Variants in ARL17A observed in about 807,000 individuals in gnomAD.
The protein encoded by ARL17A is ARF like GTPase 17A.
intron 3 of ARL17A, among the ~76,000 whole-genome samples, chr17:46,521,486 C>T (rs1433465213): frequency 1.8e-5 from 1 of 56,692 alleles, no homozygotes; most frequent in Admixed American, 1.8e-4. Flanking sequence ...CAGTTTTAAA[C>T]ATGGTGGGCA....
Position 46,557,013 on chromosome 17 carries a change from C to CT in ARL17A, c.*342dup, listed in dbSNP as rs2057317392. The CT allele has an allele frequency of 3.1e-6, 1 of 322,916 alleles. No individual in the cohort carries two copies. The highest frequency in any genetic ancestry group is 2.8e-5 in the South Asian group (1 of 36,226). The allele number at this position is 322,916 out of a possible 1,614,324, so 20.0% of individuals were successfully genotyped here. On this transcript the variant is annotated 3_prime_UTR_variant, in exon 4 of 4. Transcript: ENST00000336125. ...ACAAACCCCCATGACACAAGTTTAGCTATATAACGAACGTGCATATGTACC... is the reference window on the plus strand; with the variant it reads ...ACAAACCCCCATGACACAAGTTTAGCTTATATAACGAACGTGCATATGTACC...
intron 3 of ARL17A, chr17:46,547,151 C>G (rs1237536512): frequency 1.9e-5 from 1 of 53,242 alleles, no homozygotes; most frequent in Admixed American, 1.7e-4. Flanking sequence ...GCTTATTTTT[C>G]AAAACTTTTT....
chr17:46,526,390 AC>A (rs2052760220), downstream of ARL17A, among the ~76,000 whole-genome samples: 1 of 101,242 alleles, frequency 9.9e-6, no homozygotes, highest in Non-Finnish European at 2.1e-5. Flanking sequence ...TAAAAAACAA[AC>A]AAAAAAAGAG....
downstream of ARL17A, chr17:46,550,692 A>G (rs1426691385): frequency 2.7e-5 from 18 of 676,730 alleles, no homozygotes; most frequent in Non-Finnish European, 3.3e-5. Context: ...TGTATATTTC[A>G]GGATTTTTAA....
At chr17:46,503,253 G>C in the ARL17A span, among the ~76,000 whole-genome samples, 3 of 145,434 alleles carry the variant, frequency 2.1e-5, no homozygotes, top group African/African-American at 8.0e-5. Context: ...TTCCCAACAA[G>C]CGTTTCTCTT....
chr17:46,534,094 G>T (rs2054165857), intron 4 of ARL17A, among the ~76,000 whole-genome samples: 1 of 140,422 alleles, frequency 7.1e-6, no homozygotes, highest in African/African-American at 2.9e-5. Context: ...CAACGTTGCA[G>T]CCTCCACCTC....
chr17:46,517,226 T>A, exon 4 of ARL17A: 1 of 794,916 alleles, frequency 1.3e-6, no homozygotes, highest in Non-Finnish European at 1.9e-6. Context: ...ACTGGGAAGC[T>A]GATAGCTCTG....
chr17:46,568,179 GT>G (rs1262273832), intron 3 of ARL17A, among the ~76,000 whole-genome samples: 3 of 132,098 alleles, frequency 2.3e-5, no homozygotes, highest in Admixed American at 7.5e-5. Flanking sequence ...GAACTGGACA[GT>G]GGTGATGGTT....
chr17:46,500,834 G>A, the ARL17A span, among the ~76,000 whole-genome samples: 1 of 151,058 alleles, frequency 6.6e-6, no homozygotes, highest in Non-Finnish European at 1.5e-5. Context: ...TTATAGGGAA[G>A]TGTTTCTCAA....
chr17:46,533,453 A>C, intron 4 of ARL17A, among the ~76,000 whole-genome samples: 1 of 138,162 alleles, frequency 7.2e-6, no homozygotes, highest in Non-Finnish European at 1.5e-5. Context: ...CCTTATGTTC[A>C]TCAACTAGAT....
Position 46,555,390 on chromosome 17 carries a change from T to A in ARL17A, c.*1966A>T, listed in dbSNP as rs374337863. 29 of 1,500,718 alleles carry A rather than the reference T, an allele frequency of 1.9e-5. 4 individuals are homozygous for A. The highest frequency in any genetic ancestry group is 2.6e-5 in the Non-Finnish European group (29 of 1,110,366). 93.0% of individuals were successfully genotyped at this position (1,500,718 alleles called of 1,614,324 possible). A position where few individuals can be genotyped will look rare whatever the true frequency, so the allele number is the denominator to read the frequency against. On this transcript the variant is annotated 3_prime_UTR_variant, in exon 4 of 4. Transcript: ENST00000336125. ...TGCATGGAAGCTGCACAAGAAGTCA[T>A]CTAATGAGGACAAGATCCTCAACAG...
At chr17:46,501,184 A>G in the ARL17A span, among the ~76,000 whole-genome samples, 7 of 151,004 alleles carry the variant, frequency 4.6e-5, no homozygotes, top group African/African-American at 1.5e-4. Flanking sequence ...GCCCAGCTAT[A>G]TTGACTTGTT....
At chr17:46,544,568 G>A (rs2055988244) in intron 3 of ARL17A, among the ~76,000 whole-genome samples, 1 of 28,068 alleles carries the variant, frequency 3.6e-5, no homozygotes, top group Non-Finnish European at 5.6e-5. Context: ...TAATGACAAG[G>A]CCAAGGAACA....
chr17:46,562,237 C>CAA (rs201826218), intron 3 of ARL17A, among the ~76,000 whole-genome samples: 4 of 25,990 alleles, frequency 1.5e-4, no homozygotes, highest in East Asian at 4.4e-4. Flanking sequence ...GAGTCTTTAA[C>CAA]AAAAAAAAAA....
At chr17:46,503,341 A>C in the ARL17A span, among the ~76,000 whole-genome samples, 1 of 149,714 alleles carries the variant, frequency 6.7e-6, no homozygotes, top group Non-Finnish European at 1.5e-5. Flanking sequence ...CAGACCATCT[A>C]TCCTGTATTG....
chr17:46,502,786 T>C, the ARL17A span, among the ~76,000 whole-genome samples: 3 of 151,302 alleles, frequency 2.0e-5, no homozygotes, highest in Admixed American at 1.3e-4. Context: ...ACTGTGGCAA[T>C]GTTATCCAAG....
downstream of ARL17A, among the ~76,000 whole-genome samples, chr17:46,526,416 TG>T (rs1197553712): frequency 1.9e-5 from 2 of 102,602 alleles, no homozygotes; most frequent in Admixed American, 1.8e-4. Flanking sequence ...CAGCTGTGGT[TG>T]ATCGATGATG....
At chr17:46,537,145 G>T (rs2145436927) in intron 4 of ARL17A, among the ~76,000 whole-genome samples, 2 of 59,424 alleles carry the variant, frequency 3.4e-5, no homozygotes, top group East Asian at 2.1e-3. Context: ...ATGAAGGGAT[G>T]AATTTTTGGA....
intron 4 of ARL17A, among the ~76,000 whole-genome samples, chr17:46,534,234 G>A (rs1198501695): frequency 6.8e-6 from 1 of 146,982 alleles, no homozygotes; most frequent in Non-Finnish European, 1.5e-5. Flanking sequence ...ATTCTTGGGT[G>A]TTTCTCGCAG....
Sources: allele counts gnomAD v4.1 joint callset (sites outside exome capture counted in the v4.1 genomes callset), GRCh38; gene constraint gnomAD v4.1.1; transcripts MANE v1.5; gene names NCBI Gene and HGNC (gene_info 2026-07-23, HGNC 2026-07-21).